Variants in HTR1D observed in about 807,000 individuals in gnomAD.
The protein encoded by HTR1D is 5-HT-1D.
HTR1D carries 18 observed loss-of-function variants against 21.1 expected under a neutral mutation model. The ratio of observed to expected loss-of-function variants is 0.85; its 90% CI spans 0.59 to 1.27. The LOEUF is 1.27. Ranked by LOEUF, HTR1D falls within the 50% of genes most tolerant of loss-of-function variation. The probability of loss-of-function intolerance (pLI) is 0.00; values close to 1 mark genes in which losing one functional copy is unlikely to be tolerated. For missense variants in HTR1D, 456 were observed against 481.4 expected, an observed-to-expected ratio of 0.95 and a Z score of 0.49; for synonymous variants, 196 against 204.4, an observed-to-expected ratio of 0.96 and a Z score of 0.35.
chr1:23,210,156 T>C (rs1644748483), intron 1 of HTR1D, among the ~76,000 whole-genome samples: 1 of 152,182 alleles, frequency 6.6e-6, no homozygotes. Flanking sequence ...TGATCTCGGC[T>C]CACTGCAATC....
chr1:23,195,026 T>G (rs1644682533), intron 1 of HTR1D, among the ~76,000 whole-genome samples, 25 bp from the exon 2 acceptor site: 1 of 151,700 alleles, frequency 6.6e-6, no homozygotes, highest in African/African-American at 2.4e-5. Flanking sequence ...AGAAAAAAAA[T>G]AGAGTTAGGT....
At chr1:23,206,095 G>A (rs1243099271) in intron 1 of HTR1D, among the ~76,000 whole-genome samples, 3 of 151,374 alleles carry the variant, frequency 2.0e-5, no homozygotes, top group African/African-American at 7.3e-5. Flanking sequence ...AGGCTGCAGT[G>A]CAGTGGTGCG....
intron 1 of HTR1D, among the ~76,000 whole-genome samples, chr1:23,200,353 T>C (rs1569758582): frequency 6.6e-6 from 1 of 152,186 alleles, no homozygotes; most frequent in East Asian, 1.9e-4. Context: ...GAGCAGGCAT[T>C]CTCAGCTCCC....
At chr1:23,203,785 C>G (rs1183384929) in intron 1 of HTR1D, among the ~76,000 whole-genome samples, 1 of 152,154 alleles carries the variant, frequency 6.6e-6, no homozygotes, top group African/African-American at 2.4e-5. Flanking sequence ...AAGATACATG[C>G]AAGAATTGTT....
rs750297729 is a variant in HTR1D, at chr1:23,193,094, C to G, written c.1126G>C (p.Ala376Pro). The change falls in exon 2 of 2, where the codon GCC (alanine) becomes CCC (proline). Residue 376 changes from alanine (A) to proline (P), a missense_variant. Ala to Pro is a conservative substitution (Grantham distance 27). Transcript: ENST00000374619. ...GTCATCACCGAATAAGACTAGGAGG[C>G]CTTCCGGAAAGGGACAATTTTCTGA... ...AFQKIVPFRK[A>P]S The G allele has an allele frequency of 2.5e-6, 4 of 1,605,090 alleles. No homozygotes were observed. The highest frequency in any genetic ancestry group is 3.4e-6 in the Non-Finnish European group (4 of 1,174,936).
chr1:23,197,085 C>T (rs1203559686), intron 1 of HTR1D, among the ~76,000 whole-genome samples: 3 of 152,176 alleles, frequency 2.0e-5, no homozygotes, highest in Non-Finnish European at 4.4e-5. Context: ...GCCCCACAAA[C>T]TCATGCGGTC....
chr1:23,200,304 A>G (rs1019364481), intron 1 of HTR1D, among the ~76,000 whole-genome samples: 1 of 152,150 alleles, frequency 6.6e-6, no homozygotes, highest in African/African-American at 2.4e-5. Context: ...GTCCTGAACA[A>G]TTGTCATGAT....
At chr1:23,203,088 T>TG (rs1466815197) in intron 1 of HTR1D, among the ~76,000 whole-genome samples, 7 of 151,926 alleles carry the variant, frequency 4.6e-5, no homozygotes, top group Middle Eastern at 3.4e-3. Flanking sequence ...TTAGTAGGGA[T>TG]GGGGTTTCAC....
chr1:23,204,599 G>T (rs1644722563), intron 1 of HTR1D, among the ~76,000 whole-genome samples: 1 of 152,192 alleles, frequency 6.6e-6, no homozygotes, highest in Non-Finnish European at 1.5e-5. Flanking sequence ...CCCATCAAAA[G>T]GAGTATTTTT....
In HTR1D at chr1:23,193,658, A is replaced by T. The variant is rs1203386456; in HGVS notation, c.562T>A (p.Cys188Ser). 1 of 1,613,574 alleles carries T rather than the reference A, an allele frequency of 6.2e-7. No homozygotes were observed. The highest frequency in any genetic ancestry group is 8.5e-7 in the Non-Finnish European group (1 of 1,179,686). Residue 188 changes from cysteine to serine, a missense_variant, in exon 2 of 2, where the codon TGT becomes AGT. Coordinates refer to ENST00000374619, the MANE Select transcript of HTR1D (RefSeq NM_000864.5). ...QAKAQEEMSD[C>S]LVNTSQISYT... ...GAGATCTGAGAGGTGTTCACCAGAC[A>T]GTCCGACATCTCCTCCTGGGCCTTG...
intron 1 of HTR1D, among the ~76,000 whole-genome samples, chr1:23,196,740 C>T (rs1170597625): frequency 6.6e-6 from 1 of 152,134 alleles, no homozygotes; most frequent in Admixed American, 6.6e-5. Context: ...TATAATGACC[C>T]GACCAATGCT....
Position 23,193,098 on chromosome 1 carries a change from CCGGAAAGGGA to C in HTR1D, c.1112_1121del (p.Val371GlyfsTer9). ...TCACCGAATAAGACTAGGAGGCCTT[CCGGAAAGGGA>C]CAATTTTCTGAAAAGCTTGCCGAAA... On this transcript the variant is annotated frameshift_variant, in exon 2 of 2. Transcript: ENST00000374619. LOFTEE classifies it high-confidence loss of function. 6.2e-7 allele frequency: 1 copy of C among 1,607,390 alleles called. No individual in the cohort carries two copies.
intron 1 of HTR1D, among the ~76,000 whole-genome samples, chr1:23,208,997 C>CTTT (rs202088436): frequency 2.1e-4 from 28 of 133,730 alleles, no homozygotes; most frequent in Middle Eastern, 4.1e-3. Context: ...AAAATTTTCA[C>CTTT]TTTTTTTTTT....
intron 1 of HTR1D, among the ~76,000 whole-genome samples, chr1:23,208,570 T>C (rs1569765266): frequency 7.5e-6 from 1 of 133,910 alleles, no homozygotes; most frequent in Non-Finnish European, 1.6e-5. Flanking sequence ...AAACCCCATC[T>C]CAAAAGAAAA....
At chr1:23,215,016 AAAAGATGAGGG>A (rs1291831356) in intron 1 of HTR1D, among the ~76,000 whole-genome samples, 1 of 152,180 alleles carries the variant, frequency 6.6e-6, no homozygotes, top group East Asian at 1.9e-4. Context: ...TGAAGCCGCA[AAAAGATGAGGG>A]AACAACGTAA....
At chr1:23,205,175 A>G (rs1441409551) in intron 1 of HTR1D, among the ~76,000 whole-genome samples, 1 of 143,702 alleles carries the variant, frequency 7.0e-6, no homozygotes, top group African/African-American at 2.5e-5. Flanking sequence ...TCTCACTGAT[A>G]TGTGGGAACT....
At position 23,193,990 on chromosome 1, in the gene HTR1D, A is replaced by G; in HGVS notation, c.230T>C (p.Ile77Thr). 6.2e-7 allele frequency: 1 copy of G among 1,614,152 alleles called. No homozygotes were observed. The highest frequency in any genetic ancestry group is 8.5e-7 in the Non-Finnish European group (1 of 1,180,042). Residue 77 changes from isoleucine to threonine, a missense_variant, in exon 2 of 2, where the codon ATT becomes ACT. Ile to Thr is a moderately conservative substitution (Grantham distance 89). Transcript: ENST00000374619. Reference protein sequence around the residue: ...RKLHTPANYLIGSLATTDLLV... With the variant: ...RKLHTPANYLTGSLATTDLLV... ...GAGGTCGGTGGTGGCCAGGGAGCCA[A>G]TCAGGTAGTTGGCAGGGGTGTGGAG...
At chr1:23,195,242 G>T (rs1644683694) in intron 1 of HTR1D, among the ~76,000 whole-genome samples, 1 of 152,156 alleles carries the variant, frequency 6.6e-6, no homozygotes, top group Admixed American at 6.5e-5. Context: ...CATGAAATCA[G>T]CTCTGTAAGT....
chr1:23,195,542 G>A lies in HTR1D; in HGVS notation c.-782-541C>T, dbSNP rs907879760. On this transcript the variant is annotated intron_variant, in intron 1 of 1. Coordinates refer to ENST00000374619, the MANE Select transcript of HTR1D (RefSeq NM_000864.5). ...CAACCTCTGCCTCCTGGGTTCAAGCGATTGTCCTGCCTCAGTCTCCCAAGT... is the reference window on the plus strand; with the variant it reads ...CAACCTCTGCCTCCTGGGTTCAAGCAATTGTCCTGCCTCAGTCTCCCAAGT... 3.9e-5 allele frequency among the ~76,000 whole-genome samples: 6 copies of A among 152,106 alleles called. No individual in the cohort carries two copies. The East Asian group carries it at 7.7e-4, about 20-fold the overall frequency.
Sources: gnomAD v4.1 joint callset for allele counts (sites outside exome capture counted in the v4.1 genomes callset) on GRCh38, gnomAD v4.1.1 for gene constraint, MANE v1.5 for transcripts, NCBI Gene and HGNC (gene_info 2026-07-23, HGNC 2026-07-21) for gene names.